SNX6: variants seen among roughly 807,000 people sequenced by gnomAD.
The protein encoded by SNX6 is sorting nexin 6.
A neutral mutation model predicts 63.0 loss-of-function variants in SNX6; 34 were observed. The observed-to-expected ratio is 0.54, with a 90% CI of 0.41 to 0.72. SNX6 has a LOEUF of 0.72. SNX6 is among the 30% of genes least tolerant of loss of function. The pLI is 0.00. For synonymous variants in SNX6, 170 were observed against 164.2 expected (o/e 1.04, Z -0.27); for missense variants, 398 against 471.4 (o/e 0.84, Z 1.44).
chr14:34,608,229 GTGCAGTCGAACAATCTCGGCTCAC>G, intron 3 of SNX6, 89 bp from the exon 4 acceptor site: 2 of 645,882 alleles, frequency 3.1e-6, no homozygotes, highest in Non-Finnish European at 5.4e-6. Context: ...CCAGGCTGGA[GTGCAGTCGAACAATCTCGGCTCAC>G]TGCAGCCTCA....
intron 9 of SNX6, among the ~76,000 whole-genome samples, chr14:34,585,158 C>T (rs1468006891): frequency 6.6e-6 from 1 of 152,022 alleles, no homozygotes; most frequent in Non-Finnish European, 1.5e-5. Flanking sequence ...AGCCCTCAAC[C>T]CAAGTTTTTA....
intron 2 of SNX6, chr14:34,629,366 C>T: frequency 5.1e-6 from 2 of 391,344 alleles, no homozygotes; most frequent in Non-Finnish European, 5.2e-6. Context: ...ATACCATGGG[C>T]TACCTGCACT....
intron 9 of SNX6, among the ~76,000 whole-genome samples, chr14:34,585,333 A>G (rs1039754690): frequency 1.3e-5 from 2 of 152,012 alleles, no homozygotes; most frequent in African/African-American, 4.8e-5. Flanking sequence ...CAGCCTGGCC[A>G]ATATGGTGAA....
At chr14:34,620,922 A>G (rs953383066) in intron 2 of SNX6, among the ~76,000 whole-genome samples, 13 of 152,120 alleles carry the variant, frequency 8.5e-5, no homozygotes, top group African/African-American at 3.1e-4. Flanking sequence ...AACCTGGGTG[A>G]TAAAGTGAGA....
At chr14:34,623,686 T>C (rs1211354049) in intron 2 of SNX6, among the ~76,000 whole-genome samples, 1 of 152,102 alleles carries the variant, frequency 6.6e-6, no homozygotes, top group Non-Finnish European at 1.5e-5. Context: ...TGTTCTGATA[T>C]AAAGATGAAG....
chr14:34,587,209 G>C (rs1882201181), intron 8 of SNX6, among the ~76,000 whole-genome samples: 1 of 151,788 alleles, frequency 6.6e-6, no homozygotes, highest in Non-Finnish European at 1.5e-5. Flanking sequence ...CTATGTATTA[G>C]CAAAGAACAA....
intron 8 of SNX6, among the ~76,000 whole-genome samples, chr14:34,587,402 A>G (rs941141001): frequency 9.2e-5 from 14 of 151,400 alleles, no homozygotes; most frequent in East Asian, 2.0e-4. Flanking sequence ...GTGTGGTGGC[A>G]GGCACCTGTA....
chr14:34,580,133 C>T (rs1258742654), intron 10 of SNX6, among the ~76,000 whole-genome samples: 2 of 152,122 alleles, frequency 1.3e-5, no homozygotes, highest in Non-Finnish European at 2.9e-5. Context: ...GAGCCGAGAT[C>T]GTGCCACTGC....
chr14:34,596,859 G>A (rs1269916310), intron 7 of SNX6, among the ~76,000 whole-genome samples: 4 of 151,742 alleles, frequency 2.6e-5, no homozygotes, highest in African/African-American at 4.8e-5. Flanking sequence ...TAGTAGAGAC[G>A]GGGTTTCACC....
intron 2 of SNX6, among the ~76,000 whole-genome samples, chr14:34,617,746 C>G (rs1048604576): frequency 2.6e-5 from 4 of 151,860 alleles, no homozygotes; most frequent in Non-Finnish European, 5.9e-5. Flanking sequence ...ACGGTGAAAC[C>G]CCGTCTCTAC....
intron 7 of SNX6, among the ~76,000 whole-genome samples, chr14:34,595,365 G>C (rs1882558146): frequency 6.6e-6 from 1 of 152,100 alleles, no homozygotes. Context: ...TCAAACTCTT[G>C]ACCTCAGGTG....
intron 4 of SNX6, among the ~76,000 whole-genome samples, chr14:34,607,152 C>T (rs1328446043): frequency 1.3e-5 from 2 of 152,064 alleles, no homozygotes; most frequent in African/African-American, 4.8e-5. Flanking sequence ...TCAATTCTAA[C>T]AAATGGTAAG....
intron 9 of SNX6, among the ~76,000 whole-genome samples, chr14:34,583,848 G>T (rs1261610744): frequency 1.5e-5 from 1 of 65,072 alleles, no homozygotes; most frequent in Non-Finnish European, 3.1e-5. Context: ...TTGGGAAGGT[G>T]GCTTTTTTTT....
intron 2 of SNX6, among the ~76,000 whole-genome samples, chr14:34,612,478 G>A (rs1189991160): frequency 6.6e-6 from 1 of 151,946 alleles, no homozygotes; most frequent in African/African-American, 2.4e-5. Context: ...TGTCCCCTGA[G>A]GTTGGAGTGC....
chr14:34,627,123 G>A (rs946663434), intron 2 of SNX6, among the ~76,000 whole-genome samples: 4 of 151,996 alleles, frequency 2.6e-5, no homozygotes, highest in African/African-American at 7.2e-5. Flanking sequence ...AGGACTACAG[G>A]TATATACCAC....
chr14:34,614,630 T>C (rs1411415767), intron 2 of SNX6, among the ~76,000 whole-genome samples: 1 of 152,120 alleles, frequency 6.6e-6, no homozygotes, highest in East Asian at 1.9e-4. Flanking sequence ...TTATATGAAA[T>C]ATTTTGGCCA....
intron 11 of SNX6, chr14:34,568,915 C>G (rs879923235): frequency 7.8e-7 from 1 of 1,279,488 alleles, no homozygotes; most frequent in Non-Finnish European, 1.1e-6. Context: ...GGAGCCAACC[C>G]CAGCGCCACC....
At chr14:34,601,605 T>G (rs1479353218) in intron 6 of SNX6, among the ~76,000 whole-genome samples, 1 of 151,556 alleles carries the variant, frequency 6.6e-6, no homozygotes, top group Admixed American at 6.6e-5. Context: ...TTTATTTTTA[T>G]TTTTTGAGAT....
Position 34,618,016 on chromosome 14 carries a change from AGTT to A in SNX6, c.55-8277_55-8275del, listed in dbSNP as rs148234896. Among the ~76,000 whole-genome samples the A allele has an allele frequency of 9.7e-3, 1,477 of 152,250 alleles. 23 individuals carry two copies. Among genetic ancestry groups the A allele is most frequent in the African/African-American group, 0.033 (1,385 of 41,548 alleles). ...TAGCTTAGAACATCCCTAAGACGTC[AGTT>A]GTTCATATTTTGACAGCAAAGCAAA... is the stretch of plus-strand genomic sequence containing the variant. On this transcript the variant is annotated intron_variant, in intron 2 of 13. Transcript: ENST00000362031.
Sources: allele counts gnomAD v4.1 joint callset (sites outside exome capture counted in the v4.1 genomes callset), GRCh38; gene constraint gnomAD v4.1.1; transcripts MANE v1.5; gene names NCBI Gene and HGNC (gene_info 2026-07-23, HGNC 2026-07-21).